FKTN: variants seen among roughly 807,000 people sequenced by gnomAD.
FKTN encodes fukutin.
In FKTN, 47 loss-of-function variants were observed where a neutral mutation model predicts 58.6. The ratio of observed to expected loss-of-function variants is 0.80; its 90% CI spans 0.63 to 1.02. FKTN has a LOEUF of 1.02. FKTN is among the 50% of genes least tolerant of loss of function. The pLI, the probability that FKTN is intolerant of heterozygous loss-of-function variation, is 0.00. For synonymous variants in FKTN, 178 were observed against 191.9 expected, an observed-to-expected ratio of 0.93 and a Z score of 0.60; for missense variants, 516 against 537.3, an observed-to-expected ratio of 0.96 and a Z score of 0.39.
At chr9:105,580,546 T>C (rs1318691898) in intron 3 of FKTN, among the ~76,000 whole-genome samples, 1 of 108,800 alleles carries the variant, frequency 9.2e-6, no homozygotes, top group Non-Finnish European at 1.8e-5. Context: ...GCTGTTAGTC[T>C]GATGGGCTTC....
intron 7 of FKTN, among the ~76,000 whole-genome samples, chr9:105,611,773 C>A (rs907080696): frequency 6.6e-6 from 1 of 152,014 alleles, no homozygotes; most frequent in Non-Finnish European, 1.5e-5. Context: ...TGATTCCATG[C>A]CTTTGCTATT....
At chr9:105,575,169 C>T (rs755931347) in intron 3 of FKTN, 32 bp downstream of exon 3, 2 of 1,123,690 alleles carry the variant, frequency 1.8e-6, no homozygotes, top group South Asian at 1.2e-5. Context: ...TATCATTCCT[C>T]CTTTCTTATC....
At chr9:105,560,410 TC>T (rs1838072544) in intron 1 of FKTN, among the ~76,000 whole-genome samples, 1 of 152,204 alleles carries the variant, frequency 6.6e-6, no homozygotes, top group Non-Finnish European at 1.5e-5. Context: ...GTGACAAGAA[TC>T]TAGATCCTGT....
intron 3 of FKTN, among the ~76,000 whole-genome samples, chr9:105,594,601 A>G (rs938875345): frequency 1.3e-5 from 2 of 152,180 alleles, no homozygotes; most frequent in Non-Finnish European, 2.9e-5. Flanking sequence ...AAAATTAGCC[A>G]GGTGTGGTAG....
At chr9:105,608,325 T>C (rs947228724) in intron 7 of FKTN, among the ~76,000 whole-genome samples, 2 of 152,238 alleles carry the variant, frequency 1.3e-5, no homozygotes, top group Admixed American at 1.3e-4. Context: ...AAAGACTTCA[T>C]GAAAATACAG....
intron 1 of FKTN, among the ~76,000 whole-genome samples, chr9:105,569,667 G>T (rs1840389052): frequency 6.6e-6 from 1 of 152,084 alleles, no homozygotes; most frequent in Non-Finnish European, 1.5e-5. Flanking sequence ...GTTATGCCCT[G>T]CTTCCACTTC....
At chr9:105,602,319 C>G (rs903668668) in intron 5 of FKTN, among the ~76,000 whole-genome samples, 1 of 152,132 alleles carries the variant, frequency 6.6e-6, no homozygotes, top group African/African-American at 2.4e-5. Flanking sequence ...CTCTAAATGC[C>G]AGTTTGTCAT....
chr9:105,634,946 T>C, intron 10 of FKTN, 105 bp from the exon 11 acceptor site: 1 of 882,234 alleles, frequency 1.1e-6, no homozygotes, highest in Non-Finnish European at 1.9e-6. Flanking sequence ...CCCAAAGCTG[T>C]GTAATGGGAG....
Position 105,631,937 on chromosome 9 carries a change from TA to T in FKTN, c.1173-3111del, listed in dbSNP as rs1215284985. Among the ~76,000 whole-genome samples, 15 of 150,370 alleles carry T rather than the reference TA, an allele frequency of 1.0e-4. 1 individual carries two copies. Among genetic ancestry groups the T allele is most frequent in the Admixed American group, 9.3e-4 (14 of 15,128 alleles). Reference sequence around the variant, plus strand: ...TACTGGGTATATACCCAAAGGACTATAAATCATGCTGCTATAAAGACACATG... The same window carrying T: ...TACTGGGTATATACCCAAAGGACTATAATCATGCTGCTATAAAGACACATG... On this transcript the variant is annotated intron_variant, in intron 10 of 10. Transcript: ENST00000357998.
chr9:105,564,536 G>A (rs1838992388), intron 1 of FKTN, among the ~76,000 whole-genome samples: 1 of 152,210 alleles, frequency 6.6e-6, no homozygotes, highest in African/African-American at 2.4e-5. Flanking sequence ...TCAACTGGAA[G>A]AAAGGGTATC....
At chr9:105,613,068 T>C (rs940217648) in intron 7 of FKTN, among the ~76,000 whole-genome samples, 2 of 152,224 alleles carry the variant, frequency 1.3e-5, no homozygotes, top group Non-Finnish European at 2.9e-5. Flanking sequence ...AGCAGGTAAC[T>C]ATCAGACCTG....
chr9:105,591,268 A>G (rs1399903221), intron 3 of FKTN, among the ~76,000 whole-genome samples: 1 of 152,124 alleles, frequency 6.6e-6, no homozygotes, highest in African/African-American at 2.4e-5. Context: ...ACTTATTCCA[A>G]CATTAACTCA....
chr9:105,597,142 T>C (rs1223180945), intron 4 of FKTN, among the ~76,000 whole-genome samples: 2 of 152,188 alleles, frequency 1.3e-5, no homozygotes, highest in African/African-American at 4.8e-5. Flanking sequence ...TACACATTGA[T>C]AAAATATATT....
Position 105,566,993 on chromosome 9 carries a change from A to C in FKTN, c.-180-6662A>C, listed in dbSNP as rs187814762. 8.3e-3 allele frequency among the ~76,000 whole-genome samples: 1,263 copies of C among 152,324 alleles called. 17 individuals carry two copies. Among genetic ancestry groups the C allele is most frequent in the African/African-American group, 0.029 (1,206 of 41,558 alleles). ...CCAGGATGCAAGGCTGGTTCAACAT[A>C]CATAAATCAGTAAATGTAATCCAAC... On this transcript the variant is annotated intron_variant, in intron 1 of 10. Coordinates refer to ENST00000357998, the MANE Select transcript of FKTN (RefSeq NM_001079802.2).
chr9:105,585,021 C>T (rs1564245889), intron 3 of FKTN, among the ~76,000 whole-genome samples: 1 of 151,976 alleles, frequency 6.6e-6, no homozygotes, highest in African/African-American at 2.4e-5. Flanking sequence ...TAATTTGGGA[C>T]AGATGCTGAT....
intron 3 of FKTN, among the ~76,000 whole-genome samples, chr9:105,580,314 C>T (rs1189270328): frequency 6.6e-6 from 1 of 152,052 alleles, no homozygotes; most frequent in Admixed American, 6.6e-5. Flanking sequence ...CCGGTTGTTC[C>T]TTTCCATGTT....
rs115016360 is a variant in FKTN, at chr9:105,613,577, G to T, written c.781-1701G>T. 9.8e-3 allele frequency among the ~76,000 whole-genome samples: 1,485 copies of T among 152,272 alleles called. 27 individuals carry two copies. The highest frequency in any genetic ancestry group is 0.034 in the African/African-American group (1,433 of 41,542). ...TTCATTTGCCCATTCATCAGTATGT[G>T]TTTTTCAGATATTATGTGCCAGGCA... On this transcript the variant is annotated intron_variant, in intron 7 of 10. Transcript: ENST00000357998.
At chr9:105,569,011 C>T (rs1840237752) in intron 1 of FKTN, among the ~76,000 whole-genome samples, 1 of 152,032 alleles carries the variant, frequency 6.6e-6, no homozygotes, top group South Asian at 2.1e-4. Flanking sequence ...AAGCTGGAAA[C>T]CATCATTCTC....
At chr9:105,619,811 G>T in intron 9 of FKTN, 123 bp from the exon 10 acceptor site, 2 of 849,318 alleles carry the variant, frequency 2.4e-6, no homozygotes, top group Non-Finnish European at 1.8e-6. Context: ...GTGCATCTTA[G>T]AATGAATACT....
Sources: allele counts gnomAD v4.1 joint callset (sites outside exome capture counted in the v4.1 genomes callset), GRCh38; gene constraint gnomAD v4.1.1; transcripts MANE v1.5; gene names NCBI Gene and HGNC (gene_info 2026-07-23, HGNC 2026-07-21).